The following ESCO1 variants were observed in gnomAD, a reference collection of about 807,000 sequenced individuals.
ESCO1 encodes the protein establishment of sister chromatid cohesion N-acetyltransferase 1.
ESCO1 carries 33 observed loss-of-function variants against 83.5 expected under a neutral mutation model. That is an observed-to-expected ratio of 0.40 (90% CI 0.30 to 0.53). The LOEUF is 0.53. Among genes scored for constraint, ESCO1 ranks in the 20% least tolerant of loss-of-function variants. The pLI is 0.63. For missense variants in ESCO1, 855 were observed against 968.0 expected (o/e 0.88, Z 1.55); for synonymous variants, 332 against 324.3 (o/e 1.02, Z -0.25).
In ESCO1 at chr18:21,598,896, G is replaced by A. The variant is rs75780873; in HGVS notation, c.-825+1727C>T. On this transcript the variant is annotated intron_variant, in intron 1 of 11. Transcript: ENST00000269214. ...TGATACTCTGCATTCTGCCTAAAAG[G>A]GAAAAAGTGGCTCTATTACAGTCCT... is the stretch of plus-strand genomic sequence containing the variant. Among the ~76,000 whole-genome samples the A allele has an allele frequency of 8.0e-3, 1,216 of 152,220 alleles. 9 individuals are homozygous for A. The highest frequency in any genetic ancestry group is 0.014 in the South Asian group (66 of 4,824).
At chr18:21,555,254 G>A (rs1351162124) in intron 8 of ESCO1, among the ~76,000 whole-genome samples, 3 of 152,200 alleles carry the variant, frequency 2.0e-5, no homozygotes, top group African/African-American at 7.2e-5. Flanking sequence ...GTTGGCAGGG[G>A]TTAAGGTAGG....
chr18:21,552,658 A>G (rs1297818165), intron 8 of ESCO1, among the ~76,000 whole-genome samples: 3 of 152,242 alleles, frequency 2.0e-5, no homozygotes, highest in African/African-American at 7.2e-5. Context: ...CAGATCAATG[A>G]AACAGGACAG....
intron 10 of ESCO1, among the ~76,000 whole-genome samples, chr18:21,534,889 GC>G (rs2037814107): frequency 6.6e-6 from 1 of 151,756 alleles, no homozygotes; most frequent in Admixed American, 6.6e-5. Flanking sequence ...CTCTCAAATT[GC>G]TGGGATTACA....
At position 21,586,634 on chromosome 18, in the gene ESCO1, T is replaced by G. The variant is rs567916796; in HGVS notation, c.-824-2194A>C. Among the ~76,000 whole-genome samples the G allele has an allele frequency of 1.1e-3, 169 of 152,308 alleles. 1 individual carries two copies. The highest frequency in any genetic ancestry group is 1.6e-3 in the Non-Finnish European group (107 of 68,026). On this transcript the variant is annotated intron_variant, in intron 1 of 11. Coordinates refer to ENST00000269214, the MANE Select transcript of ESCO1 (RefSeq NM_052911.3). The stretch of plus-strand genomic sequence containing the variant: ...GTTAAATTTAATGAGTTCTAATAGG[T>G]TTTTTTGTGTGAATTTCTTAGGATT...
chr18:21,591,818 C>T (rs560616816), intron 1 of ESCO1, among the ~76,000 whole-genome samples: 209 of 152,060 alleles, frequency 1.4e-3, no homozygotes, highest in African/African-American at 4.8e-3. Context: ...GCCCTGCGGC[C>T]TTCCGCAGTG....
Position 21,574,255 on chromosome 18 carries a change from C to T in ESCO1, c.589G>A (p.Val197Ile). The T allele has an allele frequency of 1.2e-6, 2 of 1,613,782 alleles. No homozygotes were observed. Among genetic ancestry groups the T allele is most frequent in the Non-Finnish European group, 8.5e-7 (1 of 1,179,996 alleles). The change falls in exon 4 of 12, where the codon GTA becomes ATA. Residue 197 changes from valine (V) to isoleucine (I), a missense_variant. Physicochemically the swap from Val to Ile is conservative, Grantham distance 29. This residue lies in a region of ESCO1 where 726 missense variants were observed against 699.5 expected (regional missense o/e 1.04). Coordinates refer to ENST00000269214, the MANE Select transcript of ESCO1 (RefSeq NM_052911.3). ...TTTTTCCCTTTGGGAGAATTTATTA[C>T]TTCATTAATTACTAGATTTTCATCT... ...KEDENLVINE[V>I]INSPKGKKRK...
intron 1 of ESCO1, among the ~76,000 whole-genome samples, chr18:21,600,316 G>A (rs904401445): frequency 1.3e-5 from 2 of 152,248 alleles, no homozygotes; most frequent in Admixed American, 6.5e-5. Context: ...TGGGAACTCC[G>A]GCCCTGCCCC....
At chr18:21,588,074 CG>C (rs1161288076) in intron 1 of ESCO1, among the ~76,000 whole-genome samples, 1 of 146,480 alleles carries the variant, frequency 6.8e-6, no homozygotes, top group Non-Finnish European at 1.5e-5. Flanking sequence ...CACTCCAGCC[CG>C]GGCAACCCAG....
At chr18:21,569,459 C>T (rs1241213527) in intron 4 of ESCO1, among the ~76,000 whole-genome samples, 2 of 152,210 alleles carry the variant, frequency 1.3e-5, no homozygotes, top group African/African-American at 4.8e-5. Flanking sequence ...ATTAGCTGGG[C>T]GTGAGGCCGG....
At chr18:21,578,226 G>A (rs914766538) in intron 2 of ESCO1, among the ~76,000 whole-genome samples, 1 of 151,956 alleles carries the variant, frequency 6.6e-6, no homozygotes, top group East Asian at 1.9e-4. Context: ...CAAAATTAGA[G>A]ACAAAAACTA....
At chr18:21,540,391 T>A (rs1003232913) in intron 8 of ESCO1, among the ~76,000 whole-genome samples, 9 of 152,190 alleles carry the variant, frequency 5.9e-5, no homozygotes, top group African/African-American at 2.2e-4. Context: ...ACTCTTATAT[T>A]TCATTGGAAC....
chr18:21,554,339 C>T (rs1311327753), intron 8 of ESCO1, among the ~76,000 whole-genome samples: 1 of 152,242 alleles, frequency 6.6e-6, no homozygotes, highest in African/African-American at 2.4e-5. Context: ...AACCTATACA[C>T]AGCAGCTTTA....
At chr18:21,599,950 A>C (rs1868409745) in intron 1 of ESCO1, among the ~76,000 whole-genome samples, 4 of 152,102 alleles carry the variant, frequency 2.6e-5, no homozygotes, top group Admixed American at 2.6e-4. Context: ...TATAAACTTC[A>C]CTGCGGCCCT....
At chr18:21,595,847 C>G (rs1359825342) in intron 1 of ESCO1, among the ~76,000 whole-genome samples, 1 of 151,574 alleles carries the variant, frequency 6.6e-6, no homozygotes, top group East Asian at 1.9e-4. Context: ...GCCTGTACTC[C>G]CAGCTACTCG....
At chr18:21,597,436 G>A (rs2038782249) in intron 1 of ESCO1, among the ~76,000 whole-genome samples, 1 of 151,142 alleles carries the variant, frequency 6.6e-6, no homozygotes, top group Admixed American at 6.6e-5. Context: ...GAGGCAAGAG[G>A]ATCACTTCAG....
chr18:21,532,520 G>C lies in ESCO1; in HGVS notation c.2328C>G (p.Ser776Arg), dbSNP rs2037780172. ...AAGCAATTTTCTTCCGACGCATCAT[G>C]CTGAATACCCATATTCGACTGATCC... ...ICGISRIWVF[S>R]MMRRKKIASR... Residue 776 changes from serine to arginine, a missense_variant, in exon 11 of 12, where the codon AGC becomes AGG. By Grantham distance (110) the Ser-to-Arg change is moderately radical (BLOSUM62 -1). Around this residue, in one of 2 missense-constraint regions of ESCO1, gnomAD observed 129 missense variants for 268.5 expected, o/e 0.48. Transcript: ENST00000269214. 1 of 1,614,012 alleles carries C rather than the reference G, an allele frequency of 6.2e-7. No homozygotes were observed. The highest frequency in any genetic ancestry group is 8.5e-7 in the Non-Finnish European group (1 of 1,179,880).
At chr18:21,536,638 A>G (rs1305125099) in intron 9 of ESCO1, among the ~76,000 whole-genome samples, 1 of 152,030 alleles carries the variant, frequency 6.6e-6, no homozygotes, top group African/African-American at 2.4e-5. Flanking sequence ...ACTGATCAAT[A>G]ACTGTTTTTT....
At chr18:21,553,044 C>T (rs1439422990) in intron 8 of ESCO1, among the ~76,000 whole-genome samples, 1 of 152,134 alleles carries the variant, frequency 6.6e-6, no homozygotes, top group Non-Finnish European at 1.5e-5. Flanking sequence ...AATCCCAACA[C>T]ATTGGGAGGC....
At chr18:21,531,423 G>A (rs2037765264) in intron 11 of ESCO1, among the ~76,000 whole-genome samples, 1 of 151,470 alleles carries the variant, frequency 6.6e-6, no homozygotes, top group South Asian at 2.1e-4. Flanking sequence ...GTGACAAAGT[G>A]AGATGCTGTC....
Sources: allele counts gnomAD v4.1 joint callset (sites outside exome capture counted in the v4.1 genomes callset), GRCh38; gene constraint gnomAD v4.1.1; regional missense constraint gnomAD v4.1.1; transcripts MANE v1.5; gene names NCBI Gene and HGNC (gene_info 2026-07-23, HGNC 2026-07-21).